The following MYO9B variants were observed in gnomAD, a reference collection of about 807,000 sequenced individuals.
MYO9B encodes myosin IXB, also known as unconventional myosin-IXb.
In MYO9B, 71 loss-of-function variants were observed where a neutral mutation model predicts 229.5. The observed-to-expected ratio is 0.31, with a 90% CI of 0.26 to 0.38. The LOEUF (loss-of-function observed/expected upper bound fraction) is 0.38, where lower values mean the gene tolerates loss of function less well. Ranked by LOEUF, MYO9B falls within the 10% of genes least tolerant of loss-of-function variation. MYO9B has a pLI of 1.00. For synonymous variants in MYO9B, 1,185 were observed against 1,235.8 expected, an observed-to-expected ratio of 0.96 and a Z score of 0.86; for missense variants, 2,255 against 2,920.5, an observed-to-expected ratio of 0.77 and a Z score of 5.25.
At chr19:17,209,519 C>T in intron 35 of MYO9B, 67 bp from the exon 36 acceptor site, 1 of 1,510,762 alleles carries the variant, frequency 6.6e-7, no homozygotes, top group South Asian at 1.3e-5. Context: ...CAGCTAGCAT[C>T]TCCCTGGACC....
intron 36 of MYO9B, 114 bp from the exon 37 acceptor site, chr19:17,210,219 C>A: frequency 3.7e-6 from 4 of 1,082,266 alleles, no homozygotes; most frequent in South Asian, 1.8e-5. Context: ...GGGCTCTGGG[C>A]TCCTGTGGGA....
At chr19:17,164,067 A>G (rs1277399616) in intron 10 of MYO9B, among the ~76,000 whole-genome samples, 1 of 152,222 alleles carries the variant, frequency 6.6e-6, no homozygotes, top group Non-Finnish European at 1.5e-5. Context: ...ACTGTTTTCC[A>G]TAACAGCTGC....
chr19:17,197,809 T>C lies in MYO9B; in HGVS notation c.4064T>C (p.Phe1355Ser). ...TCTCGCAGGGAGAGGCGCACCTCCT[T>C]CTCCACGAGCGACGTCTCCAAGCTC... Reference protein sequence around the residue: ...LTPTEERRTSFSTSDVSKLLP... With the variant: ...LTPTEERRTSSSTSDVSKLLP... The change falls in exon 23 of 40, where the codon TTC becomes TCC. Residue 1355 changes from phenylalanine to serine, a missense_variant. By Grantham distance (155) the Phe-to-Ser change is radical. Around this residue, in one of 7 missense-constraint regions of MYO9B, gnomAD observed 679 missense variants for 770.2 expected, o/e 0.88. Transcript: ENST00000682292. The C allele has an allele frequency of 1.2e-6, 2 of 1,613,000 alleles. No individual in the cohort carries two copies. The highest frequency in any genetic ancestry group is 1.7e-6 in the Non-Finnish European group (2 of 1,179,760).
At chr19:17,077,844 C>T (rs1404650654) in intron 1 of MYO9B, among the ~76,000 whole-genome samples, 2 of 152,074 alleles carry the variant, frequency 1.3e-5, no homozygotes, top group Non-Finnish European at 2.9e-5. Flanking sequence ...TTTTTTTCAA[C>T]CGCTTCTTCA....
At chr19:17,087,211 A>G (rs1245719005) in intron 1 of MYO9B, among the ~76,000 whole-genome samples, 2 of 152,218 alleles carry the variant, frequency 1.3e-5, no homozygotes, top group Non-Finnish European at 2.9e-5. Flanking sequence ...GGGTGGGCGT[A>G]TAGCACAGGT....
At chr19:17,117,649 T>C (rs1033591240) in intron 2 of MYO9B, among the ~76,000 whole-genome samples, 1 of 152,052 alleles carries the variant, frequency 6.6e-6, no homozygotes. Flanking sequence ...GTCATTACAG[T>C]ATTCTCAGCC....
intron 14 of MYO9B, among the ~76,000 whole-genome samples, chr19:17,176,029 T>C (rs915895991): frequency 5.3e-5 from 8 of 151,098 alleles, no homozygotes; most frequent in Non-Finnish European, 8.9e-5. Context: ...TTGTTGGTTT[T>C]TGTTTGTTTG....
intron 2 of MYO9B, among the ~76,000 whole-genome samples, chr19:17,125,441 G>A (rs753344928): frequency 3.9e-5 from 6 of 152,088 alleles, no homozygotes; most frequent in Admixed American, 6.5e-5. Context: ...GACCTAGTAC[G>A]TGGTTTCGTG....
At chr19:17,115,617 C>T (rs1310694829) in intron 2 of MYO9B, among the ~76,000 whole-genome samples, 3 of 151,762 alleles carry the variant, frequency 2.0e-5, no homozygotes, top group Non-Finnish European at 4.4e-5. Context: ...TACAGGCGCC[C>T]ACCACAACAC....
intron 1 of MYO9B, among the ~76,000 whole-genome samples, chr19:17,090,118 CTTTTTTTTTTTTTTTTTTTTTTT>C (rs59440394): frequency 1.1e-3 from 54 of 49,236 alleles, no homozygotes; most frequent in South Asian, 1.7e-3. Context: ...TGCTTCCTTC[CTTTTTTTTTTTTTTTTTTTTTTT>C]TTTTTTTTTT....
At chr19:17,104,727 C>A (rs992620308) in intron 2 of MYO9B, among the ~76,000 whole-genome samples, 2 of 116,300 alleles carry the variant, frequency 1.7e-5, no homozygotes, top group African/African-American at 7.4e-5. Context: ...TACCCAGCTC[C>A]GCTTAAAAAA....
At chr19:17,111,012 C>T (rs2057842956) in intron 2 of MYO9B, among the ~76,000 whole-genome samples, 1 of 152,154 alleles carries the variant, frequency 6.6e-6, no homozygotes, top group Admixed American at 6.5e-5. Flanking sequence ...GCTCTGTTCC[C>T]CCACCCACAG....
At chr19:17,183,711 C>A in intron 15 of MYO9B, 118 bp from the exon 16 acceptor site, 2 of 826,452 alleles carry the variant, frequency 2.4e-6, no homozygotes, top group Non-Finnish European at 1.9e-6. Context: ...CGCCTTCTCA[C>A]TCTCTCCCCT....
intron 10 of MYO9B, among the ~76,000 whole-genome samples, chr19:17,167,310 T>G (rs553285550): frequency 1.6e-3 from 241 of 151,964 alleles, no homozygotes; most frequent in African/African-American, 5.6e-3. Context: ...ACTTTTTATT[T>G]TTTGCACAGA....
intron 9 of MYO9B, among the ~76,000 whole-genome samples, chr19:17,162,678 CG>C (rs537834252): frequency 5.5e-4 from 84 of 152,130 alleles, no homozygotes; most frequent in African/African-American, 1.7e-3. Flanking sequence ...TATTCAAAAA[CG>C]ACAGATTCTG....
intron 24 of MYO9B, among the ~76,000 whole-genome samples, chr19:17,198,862 G>T (rs2073076192): frequency 6.6e-6 from 1 of 151,880 alleles, no homozygotes; most frequent in South Asian, 2.1e-4. Flanking sequence ...TCGGCACTTG[G>T]CCTTCCCCTC....
intron 3 of MYO9B, among the ~76,000 whole-genome samples, chr19:17,150,286 T>C (rs1248708219): frequency 6.6e-6 from 1 of 151,958 alleles, no homozygotes. Context: ...CTCATGCCTA[T>C]AATCCCAGCT....
chr19:17,211,722 G>A lies in MYO9B; in HGVS notation c.6006G>A (p.Ser2002=), dbSNP rs568384629. 9 of 1,612,840 alleles carry A rather than the reference G, an allele frequency of 5.6e-6. No homozygotes were observed. Among genetic ancestry groups the A allele is most frequent in the East Asian group, 2.2e-5 (1 of 44,862 alleles). The change falls in exon 39 of 40, where the codon TCG becomes TCA. Residue 2002 remains serine, a synonymous_variant. Transcript: ENST00000682292. Reference sequence around the variant, plus strand: ...AGGAGAACCTGGACTCGGAGACGTCGGCCAGCACCGAGAGCCTGCTGGAGG... The same window carrying A: ...AGGAGAACCTGGACTCGGAGACGTCAGCCAGCACCGAGAGCCTGCTGGAGG... ...SDEENLDSET[S]ASTESLLEER...
chr19:17,089,579 C>T (rs984079674), intron 1 of MYO9B, among the ~76,000 whole-genome samples: 6 of 152,206 alleles, frequency 3.9e-5, no homozygotes, highest in Admixed American at 6.5e-5. Context: ...GGCTAATTCA[C>T]ATCCGGCCAC....
Sources: allele counts gnomAD v4.1 joint callset (sites outside exome capture counted in the v4.1 genomes callset), GRCh38; gene constraint gnomAD v4.1.1; regional missense constraint gnomAD v4.1.1; transcripts MANE v1.5; gene names NCBI Gene and HGNC (gene_info 2026-07-23, HGNC 2026-07-21).